The following CADM1 variants were observed in gnomAD, a reference collection of about 807,000 sequenced individuals.
The protein encoded by CADM1 is cell adhesion molecule 1.
A neutral mutation model predicts 53.1 loss-of-function variants in CADM1; 15 were observed. The observed-to-expected ratio is 0.28, with a 90% CI of 0.19 to 0.44. CADM1 has a LOEUF of 0.44. Ranked by LOEUF, CADM1 falls within the 20% of genes least tolerant of loss-of-function variation. CADM1 has a pLI of 1.00. For synonymous variants in CADM1, 281 were observed against 243.0 expected (o/e 1.16, Z -1.45); for missense variants, 434 against 611.3 (o/e 0.71, Z 3.06).
At chr11:115,185,270 G>A (rs184337559) in intron 10 of CADM1, among the ~76,000 whole-genome samples, 1 of 152,318 alleles carries the variant, frequency 6.6e-6, no homozygotes, top group East Asian at 1.9e-4. Flanking sequence ...TTCGTTAGGG[G>A]TAAGCGTGGT....
intron 1 of CADM1, among the ~76,000 whole-genome samples, chr11:115,402,514 C>T (rs1011419731): frequency 6.6e-6 from 1 of 152,110 alleles, no homozygotes; most frequent in African/African-American, 2.4e-5. Context: ...TAGAGTGAGA[C>T]TCTGTCTCAA....
At chr11:115,484,187 A>T (rs1051372853) in intron 1 of CADM1, among the ~76,000 whole-genome samples, 20 of 152,196 alleles carry the variant, frequency 1.3e-4, no homozygotes, top group African/African-American at 4.6e-4. Flanking sequence ...CATCAATTTC[A>T]TTCATGACCC....
chr11:115,438,386 T>C (rs557053191), intron 1 of CADM1, among the ~76,000 whole-genome samples: 8 of 152,256 alleles, frequency 5.3e-5, no homozygotes, highest in African/African-American at 1.9e-4. Context: ...ATCTACCTTG[T>C]GCGCACACTT....
At chr11:115,485,969 T>C (rs314514) in intron 1 of CADM1, among the ~76,000 whole-genome samples, 150,968 of 152,356 alleles carry the variant, frequency 0.99, 74,799 homozygotes, top group East Asian at 1. Flanking sequence ...TAAACCCACA[T>C]ATAACATTTA....
intron 11 of CADM1, 71 bp downstream of exon 11, chr11:115,178,573 C>A: frequency 2.0e-6 from 3 of 1,486,872 alleles, no homozygotes; most frequent in Non-Finnish European, 2.8e-6. Flanking sequence ...CTATCAAGGA[C>A]AACCTTGTAA....
At chr11:115,177,030 T>C (rs1349664165) in intron 11 of CADM1, among the ~76,000 whole-genome samples, 1 of 152,196 alleles carries the variant, frequency 6.6e-6, no homozygotes, top group Non-Finnish European at 1.5e-5. Context: ...GATGCTTCTG[T>C]TGTCACCTCA....
chr11:115,275,610 G>A (rs1943423441), intron 1 of CADM1, among the ~76,000 whole-genome samples: 1 of 152,146 alleles, frequency 6.6e-6, no homozygotes, highest in South Asian at 2.1e-4. Flanking sequence ...CTTGTATTTT[G>A]CAAGTAACTT....
chr11:115,214,489 C>T, intron 7 of CADM1, 119 bp downstream of exon 7: 14 of 1,003,222 alleles, frequency 1.4e-5, no homozygotes, highest in Non-Finnish European at 1.9e-5. Flanking sequence ...TCTTTAAGTT[C>T]TAGAAGGAAA....
At chr11:115,206,763 T>TTTTTTTTTTTTG (rs1940713692) in intron 8 of CADM1, among the ~76,000 whole-genome samples, 1 of 113,094 alleles carries the variant, frequency 8.8e-6, no homozygotes, top group African/African-American at 4.0e-5. Flanking sequence ...GACTTCTTTT[T>TTTTTTTTTTTTG]TTTTTTTTTT....
chr11:115,315,668 C>CA (rs56881752), intron 1 of CADM1, among the ~76,000 whole-genome samples: 25,606 of 139,178 alleles, frequency 0.18, 2,739 homozygotes, highest in African/African-American at 0.3. Flanking sequence ...TATGTTTAGC[C>CA]AAAAAAAAAA....
intron 1 of CADM1, among the ~76,000 whole-genome samples, chr11:115,406,145 G>A (rs1947307011): frequency 6.6e-6 from 1 of 152,120 alleles, no homozygotes; most frequent in African/African-American, 2.4e-5. Flanking sequence ...GTATAAAAAT[G>A]TAAATGGTAT....
At position 115,235,096 on chromosome 11, in the gene CADM1, T is replaced by C. The variant is rs374806012; in HGVS notation, c.424+3404A>G. The stretch of plus-strand genomic sequence containing the variant: ...ACAGGCATGTATACTGGGAGTTGTT[T>C]GGTTTATAAAATAAAATCTGATATT... On this transcript the variant is annotated intron_variant, in intron 3 of 11. Transcript: ENST00000331581. Among the ~76,000 whole-genome samples the C allele has an allele frequency of 2.4e-4, 36 of 151,948 alleles. No homozygotes were observed. The South Asian group carries it at 7.5e-3, about 32-fold the overall frequency.
chr11:115,190,772 TG>T (rs1292269184), intron 10 of CADM1, 115 bp downstream of exon 10: 8 of 810,350 alleles, frequency 9.9e-6, no homozygotes, highest in Non-Finnish European at 1.6e-5. Flanking sequence ...ATTTGTTTTT[TG>T]TTAGTCTCAA....
At chr11:115,409,847 C>T (rs1259622562) in intron 1 of CADM1, among the ~76,000 whole-genome samples, 1 of 152,112 alleles carries the variant, frequency 6.6e-6, no homozygotes, top group East Asian at 1.9e-4. Flanking sequence ...GTAGTAGCTG[C>T]CTTGTTTACA....
chr11:115,407,692 G>A (rs1349704877), intron 1 of CADM1, among the ~76,000 whole-genome samples: 1 of 151,818 alleles, frequency 6.6e-6, no homozygotes, highest in Non-Finnish European at 1.5e-5. Flanking sequence ...AACATAGTGA[G>A]ACCCTGTCTC....
At chr11:115,497,990 A>C (rs1424120569) in intron 1 of CADM1, among the ~76,000 whole-genome samples, 1 of 152,116 alleles carries the variant, frequency 6.6e-6, no homozygotes, top group Non-Finnish European at 1.5e-5. Flanking sequence ...AAAAAAAAAA[A>C]AACCCTCACA....
Position 115,209,563 on chromosome 11 carries a change from A to AGATACCATACCTGTGAT in CADM1, c.1072_1078+10dup. ...TTCAGGACATTTTCAATGGTAATGA[A>AGATACCATACCTGTGAT]GATACCATACCTGTGATGATGGTAA... On this transcript the variant is annotated intron_variant, in intron 8 of 11. Transcript: ENST00000331581. 6.5e-7 allele frequency: 1 copy of AGATACCATACCTGTGAT among 1,543,144 alleles called. No individual in the cohort carries two copies. Among genetic ancestry groups the AGATACCATACCTGTGAT allele is most frequent in the East Asian group, 2.4e-5 (1 of 41,192 alleles).
chr11:115,179,027 G>T, intron 10 of CADM1: 1 of 500,440 alleles, frequency 2.0e-6, no homozygotes. Context: ...CAAGCTTAGG[G>T]AGGCAGGGAA....
intron 1 of CADM1, among the ~76,000 whole-genome samples, chr11:115,398,257 A>C (rs909508424): frequency 6.6e-6 from 1 of 152,198 alleles, no homozygotes; most frequent in Non-Finnish European, 1.5e-5. Context: ...TTTTAAAATA[A>C]TTTAAAATGA....
Sources: allele counts gnomAD v4.1 joint callset (sites outside exome capture counted in the v4.1 genomes callset), GRCh38; gene constraint gnomAD v4.1.1; transcripts MANE v1.5; gene names NCBI Gene and HGNC (gene_info 2026-07-23, HGNC 2026-07-21).